Variants in ELAVL2 observed in about 807,000 individuals in gnomAD.
ELAVL2 encodes ELAV-like protein 2.
In ELAVL2, 4 loss-of-function variants were observed where a neutral mutation model predicts 34.6. The observed-to-expected ratio is 0.12, with a 90% CI of 0.06 to 0.26. The LOEUF (loss-of-function observed/expected upper bound fraction) is 0.26, where lower values mean the gene tolerates loss of function less well. Ranked by LOEUF, ELAVL2 falls within the 10% of genes least tolerant of loss-of-function variation. The probability of loss-of-function intolerance (pLI) is 1.00; values close to 1 mark genes in which losing one functional copy is unlikely to be tolerated. For synonymous variants in ELAVL2, 193 were observed against 154.8 expected, an observed-to-expected ratio of 1.25 and a Z score of -1.83; for missense variants, 432 against 442.8, an observed-to-expected ratio of 0.98 and a Z score of 0.22.
intron 1 of ELAVL2, among the ~76,000 whole-genome samples, chr9:23,814,398 A>T (rs2063427691): frequency 6.6e-6 from 1 of 152,198 alleles, no homozygotes; most frequent in Non-Finnish European, 1.5e-5. Context: ...CTAAAAGGAT[A>T]AACAAGGGAC....
chr9:23,751,493 A>C (rs959102161), intron 2 of ELAVL2, among the ~76,000 whole-genome samples: 1 of 152,148 alleles, frequency 6.6e-6, no homozygotes, highest in African/African-American at 2.4e-5. Flanking sequence ...TTTTTTCCTC[A>C]GCCTTCTGAT....
At chr9:23,706,935 A>G (rs1419463947) in intron 3 of ELAVL2, among the ~76,000 whole-genome samples, 2 of 152,186 alleles carry the variant, frequency 1.3e-5, no homozygotes, top group Non-Finnish European at 2.9e-5. Flanking sequence ...AATGGTGTTA[A>G]CATTTAATAC....
At chr9:23,715,403 C>G (rs1564030810) in intron 3 of ELAVL2, among the ~76,000 whole-genome samples, 1 of 152,212 alleles carries the variant, frequency 6.6e-6, no homozygotes, top group Non-Finnish European at 1.5e-5. Flanking sequence ...CCGTCTCGGC[C>G]TCCCAAAGCG....
Position 23,742,704 on chromosome 9 carries a change from G to A in ELAVL2, c.230-11579C>T, listed in dbSNP as rs572123461. ...TAGAGGTATTTTTAGCAAAGACAAA[G>A]GAAGTAAATTTCCAAAGGACATCCA... On this transcript the variant is annotated intron_variant, in intron 2 of 6. Coordinates refer to ENST00000397312, the MANE Select transcript of ELAVL2 (RefSeq NM_004432.5). Among the ~76,000 whole-genome samples, 37 of 152,234 alleles carry A rather than the reference G, an allele frequency of 2.4e-4. No homozygotes were observed. The South Asian group carries it at 7.7e-3, about 32-fold the overall frequency.
intron 1 of ELAVL2, among the ~76,000 whole-genome samples, chr9:23,775,237 T>G (rs2058003817): frequency 6.6e-6 from 1 of 151,558 alleles, no homozygotes; most frequent in African/African-American, 2.4e-5. Context: ...TCAAGCTAGA[T>G]ATTTACAAAC....
chr9:23,721,839 AAC>A (rs1245011527), intron 3 of ELAVL2, among the ~76,000 whole-genome samples: 6 of 152,226 alleles, frequency 3.9e-5, no homozygotes, highest in Non-Finnish European at 5.9e-5. Flanking sequence ...ATATTGTAAT[AAC>A]ACATAATATG....
intron 2 of ELAVL2, among the ~76,000 whole-genome samples, chr9:23,757,683 A>AG (rs1169090906): frequency 6.6e-6 from 1 of 152,068 alleles, no homozygotes. Flanking sequence ...TCTCATGATG[A>AG]ATGCCTATAG....
At chr9:23,720,213 C>T (rs116139743) in intron 3 of ELAVL2, among the ~76,000 whole-genome samples, 1,782 of 151,766 alleles carry the variant, frequency 0.012, 32 homozygotes, top group African/African-American at 0.042. Context: ...CCTCTATCCA[C>T]CCAGGCTAGG....
In ELAVL2 at chr9:23,814,763, C is replaced by T. The variant is rs2063483561; in HGVS notation, c.-16+11043G>A. On this transcript the variant is annotated intron_variant, in intron 1 of 6. Transcript: ENST00000397312. Reference sequence around the variant, plus strand: ...CCTCTGCAATAAAGGTGGATGACCCCCTCACCTGCCATATCACCTCCAATA... The same window carrying T: ...CCTCTGCAATAAAGGTGGATGACCCTCTCACCTGCCATATCACCTCCAATA... Among the ~76,000 whole-genome samples, 3 of 152,178 alleles carry T rather than the reference C, an allele frequency of 2.0e-5. No individual in the cohort carries two copies. The South Asian group carries it at 6.2e-4, about 32-fold the overall frequency.
rs1423013324 is a variant in ELAVL2, at chr9:23,691,044, T to C, written c.*1513A>G. On this transcript the variant is annotated 3_prime_UTR_variant, in exon 7 of 7. Coordinates refer to ENST00000397312, the MANE Select transcript of ELAVL2 (RefSeq NM_004432.5). ...CTCATTTTTTTATACCACAAACATATTTATAAACCAAAATGTAGCATCACC... is the reference window on the plus strand; with the variant it reads ...CTCATTTTTTTATACCACAAACATACTTATAAACCAAAATGTAGCATCACC... 1.3e-5 allele frequency: 2 copies of C among 152,526 alleles called. No individual in the cohort carries two copies. The highest frequency in any genetic ancestry group is 4.8e-5 in the African/African-American group (2 of 41,430). The allele number at this position is 152,526 out of a possible 1,614,324, so 9.4% of individuals were successfully genotyped here. A position where few individuals can be genotyped will look rare whatever the true frequency, so the allele number is the denominator to read the frequency against.
chr9:23,731,278 T>A (rs1343135728), intron 2 of ELAVL2, among the ~76,000 whole-genome samples, 153 bp from the exon 3 acceptor site: 1 of 152,006 alleles, frequency 6.6e-6, no homozygotes. Context: ...ATACATGAAG[T>A]CTTTATGTCT....
intron 1 of ELAVL2, among the ~76,000 whole-genome samples, chr9:23,763,995 T>C (rs757277905): frequency 2.0e-5 from 3 of 152,190 alleles, no homozygotes; most frequent in Non-Finnish European, 4.4e-5. Flanking sequence ...GATATGGGTT[T>C]TATTATAATT....
the ELAVL2 span, among the ~76,000 whole-genome samples, chr9:23,836,797 G>A: frequency 6.6e-6 from 1 of 152,084 alleles, no homozygotes; most frequent in African/African-American, 2.4e-5. Flanking sequence ...TAGGAAATCA[G>A]GTTGGTTGGG....
At chr9:23,736,971 C>G (rs1003011720) in intron 2 of ELAVL2, among the ~76,000 whole-genome samples, 1 of 152,192 alleles carries the variant, frequency 6.6e-6, no homozygotes, top group Non-Finnish European at 1.5e-5. Flanking sequence ...TCCCATGTAT[C>G]CTTTGAGACT....
chr9:23,812,927 T>C lies in ELAVL2; in HGVS notation c.-16+12879A>G, dbSNP rs1323746875. On this transcript the variant is annotated intron_variant, in intron 1 of 6. Transcript: ENST00000397312. Reference sequence around the variant, plus strand: ...CAGGAGAGCAGGGTTTTATGGGCATTGTTCCATCCTAAGAAGCTACATTAA... The same window carrying C: ...CAGGAGAGCAGGGTTTTATGGGCATCGTTCCATCCTAAGAAGCTACATTAA... Among the ~76,000 whole-genome samples the C allele has an allele frequency of 1.3e-4, 20 of 152,240 alleles. 1 individual carries two copies. Among genetic ancestry groups the C allele is most frequent in the Non-Finnish European group, 7.4e-5 (5 of 68,008 alleles).
At chr9:23,825,189 A>C (rs2065222058) in intron 1 of ELAVL2, among the ~76,000 whole-genome samples, 1 of 152,196 alleles carries the variant, frequency 6.6e-6, no homozygotes, top group Middle Eastern at 3.2e-3. Flanking sequence ...TACAATGATG[A>C]GTTCTGACAG....
At chr9:23,810,816 C>T (rs908659524) in intron 1 of ELAVL2, among the ~76,000 whole-genome samples, 1 of 152,158 alleles carries the variant, frequency 6.6e-6, no homozygotes, top group African/African-American at 2.4e-5. Context: ...GACAGAAAAA[C>T]TTGGTGTTAA....
intron 2 of ELAVL2, among the ~76,000 whole-genome samples, chr9:23,743,738 AG>A (rs2049838259): frequency 6.6e-6 from 1 of 152,204 alleles, no homozygotes; most frequent in South Asian, 2.1e-4. Context: ...ATAACAGGGT[AG>A]AGGGTTAAAA....
chr9:23,721,026 G>A (rs1478077388), intron 3 of ELAVL2, among the ~76,000 whole-genome samples: 1 of 152,042 alleles, frequency 6.6e-6, no homozygotes, highest in Non-Finnish European at 1.5e-5. Flanking sequence ...CAAAACTCTG[G>A]GCATATTAGG....
Sources: gnomAD v4.1 joint callset for allele counts (sites outside exome capture counted in the v4.1 genomes callset) on GRCh38, gnomAD v4.1.1 for gene constraint, MANE v1.5 for transcripts, NCBI Gene and HGNC (gene_info 2026-07-23, HGNC 2026-07-21) for gene names.